INSYN2B: variants seen among roughly 807,000 people sequenced by gnomAD.
The protein encoded by INSYN2B is protein INSYN2B.
Under a neutral mutation model 41.2 loss-of-function variants are expected in INSYN2B, and 16 were observed. The ratio of observed to expected loss-of-function variants is 0.39; its 90% confidence interval spans 0.26 to 0.59. INSYN2B has a LOEUF of 0.59. Ranked by LOEUF, INSYN2B falls within the 20% of genes least tolerant of loss-of-function variation. INSYN2B has a pLI of 0.57. For missense variants in INSYN2B, 608 were observed against 646.4 expected (o/e 0.94, Z 0.64); for synonymous variants, 245 against 244.4 (o/e 1.00, Z -0.02).
Position 169,882,567 on chromosome 5 carries a change from T to C in INSYN2B, c.1332A>G (p.Arg444=), listed in dbSNP as rs1317986992. The change falls in exon 2 of 4, where the codon CGA becomes CGG. Residue 444 remains arginine, a synonymous_variant. Coordinates refer to ENST00000377365, the MANE Select transcript of INSYN2B (RefSeq NM_001129891.3). ...AATCTCCTTACCCTTCAGTGAGAGC[T>C]CGAGCTTTCTCCAAGTCTTGAATTA... ...LNVIQDLEKA[R]ALTEGRNFYR... The C allele has an allele frequency of 1.3e-6, 2 of 1,546,978 alleles. No homozygotes were observed. Among genetic ancestry groups the C allele is most frequent in the South Asian group, 2.4e-5 (2 of 83,986 alleles).
At chr5:169,915,292 A>G (rs1162464080) in intron 1 of INSYN2B, among the ~76,000 whole-genome samples, 1 of 152,208 alleles carries the variant, frequency 6.6e-6, no homozygotes, top group Non-Finnish European at 1.5e-5. Flanking sequence ...TTTTAAAGTT[A>G]GTTTTTGGTA....
chr5:169,972,989 G>A (rs1428643402), intron 1 of INSYN2B, among the ~76,000 whole-genome samples: 2 of 152,188 alleles, frequency 1.3e-5, no homozygotes, highest in Non-Finnish European at 2.9e-5. Context: ...ACAACTAGAG[G>A]AGGGAGGAAG....
At chr5:169,912,450 T>G (rs763522494) in intron 1 of INSYN2B, among the ~76,000 whole-genome samples, 1 of 152,194 alleles carries the variant, frequency 6.6e-6, no homozygotes, top group Non-Finnish European at 1.5e-5. Flanking sequence ...CACAAATTCA[T>G]CTTTTGGCAC....
At chr5:169,979,271 G>C (rs769250527) in intron 1 of INSYN2B, among the ~76,000 whole-genome samples, 14 of 152,118 alleles carry the variant, frequency 9.2e-5, no homozygotes, top group Non-Finnish European at 1.3e-4. Context: ...TAAGTTGCTA[G>C]GGCAAATGCA....
At chr5:169,920,368 C>T (rs17560633) in intron 1 of INSYN2B, among the ~76,000 whole-genome samples, 47,069 of 152,166 alleles carry the variant, frequency 0.31, 8,615 homozygotes, top group South Asian at 0.4. Context: ...TTCAGAAACA[C>T]CAAGGGGAAG....
chr5:169,879,462 T>A (rs917678529), intron 3 of INSYN2B, among the ~76,000 whole-genome samples: 3 of 152,214 alleles, frequency 2.0e-5, no homozygotes, highest in African/African-American at 7.2e-5. Context: ...TCCCTTGCAA[T>A]GGCTTAGATA....
intron 3 of INSYN2B, among the ~76,000 whole-genome samples, chr5:169,868,662 G>A (rs962512378): frequency 3.3e-5 from 5 of 152,186 alleles, no homozygotes; most frequent in African/African-American, 1.2e-4. Flanking sequence ...GGAGGCTGAG[G>A]TGAGAGGATC....
chr5:169,952,243 C>T (rs978304531), intron 1 of INSYN2B, among the ~76,000 whole-genome samples: 4 of 152,106 alleles, frequency 2.6e-5, no homozygotes, highest in African/African-American at 9.7e-5. Flanking sequence ...TGGGAAGAGA[C>T]CTGTTTTTTA....
chr5:169,974,191 C>T (rs969295932), intron 1 of INSYN2B, among the ~76,000 whole-genome samples: 1 of 152,162 alleles, frequency 6.6e-6, no homozygotes, highest in African/African-American at 2.4e-5. Context: ...GTTTTCTTAT[C>T]TATCAAGTAA....
chr5:169,909,317 TATAGAAC>T (rs1774462979), intron 1 of INSYN2B, among the ~76,000 whole-genome samples: 1 of 152,216 alleles, frequency 6.6e-6, no homozygotes, highest in South Asian at 2.1e-4. Context: ...TGTTCAACAG[TATAGAAC>T]ATTTCTTTCT....
intron 1 of INSYN2B, among the ~76,000 whole-genome samples, chr5:169,900,145 C>T (rs780258704): frequency 1.3e-5 from 2 of 152,192 alleles, no homozygotes; most frequent in African/African-American, 2.4e-5. Flanking sequence ...TCCAAGCTCT[C>T]AGATCTAAAG....
Position 169,936,513 on chromosome 5 carries a change from T to G in INSYN2B, c.-919+43764A>C, listed in dbSNP as rs1225915772. On this transcript the variant is annotated intron_variant, in intron 1 of 3. Coordinates refer to ENST00000377365, the MANE Select transcript of INSYN2B (RefSeq NM_001129891.3). ...AAGATAATCAAAATGAATAAACACATCTATTCTATCCTGTGTGTATTTCGA... is the reference window on the plus strand; with the variant it reads ...AAGATAATCAAAATGAATAAACACAGCTATTCTATCCTGTGTGTATTTCGA... 4.0e-5 allele frequency among the ~76,000 whole-genome samples: 6 copies of G among 151,374 alleles called. No individual in the cohort carries two copies. The East Asian group carries it at 1.2e-3, about 29-fold the overall frequency.
chr5:169,871,792 C>A (rs957220218), intron 3 of INSYN2B, among the ~76,000 whole-genome samples: 4 of 152,172 alleles, frequency 2.6e-5, no homozygotes, highest in Non-Finnish European at 5.9e-5. Context: ...GGCTGGGGTG[C>A]ATGGGGGACG....
In INSYN2B at chr5:169,948,297, A is replaced by T. The variant is rs1035231307; in HGVS notation, c.-919+31980T>A. ...AGTAGAGGGATTCAGAACGTTTTTT[A>T]AAAAAAGGTAAACAAATACACATAA... On this transcript the variant is annotated intron_variant, in intron 1 of 3. Coordinates refer to ENST00000377365, the MANE Select transcript of INSYN2B (RefSeq NM_001129891.3). 2.6e-4 allele frequency among the ~76,000 whole-genome samples: 19 copies of T among 73,936 alleles called. 1 individual carries two copies. The highest frequency in any genetic ancestry group is 9.4e-4 in the African/African-American group (12 of 12,816). The allele number at this position is 73,936 out of a possible 152,430, so 48.5% of individuals were successfully genotyped here.
At chr5:169,868,779 A>G (rs1202104112) in intron 3 of INSYN2B, among the ~76,000 whole-genome samples, 1 of 152,114 alleles carries the variant, frequency 6.6e-6, no homozygotes, top group Non-Finnish European at 1.5e-5. Context: ...AATGATATTA[A>G]TGCTCTGGAT....
intron 1 of INSYN2B, among the ~76,000 whole-genome samples, chr5:169,910,999 T>G (rs1222022427): frequency 1.3e-5 from 2 of 152,212 alleles, no homozygotes; most frequent in Non-Finnish European, 2.9e-5. Flanking sequence ...AACCCTCAGG[T>G]GCCTCCAAGG....
intron 1 of INSYN2B, among the ~76,000 whole-genome samples, chr5:169,898,263 C>T (rs1773723235): frequency 6.6e-6 from 1 of 152,180 alleles, no homozygotes; most frequent in African/African-American, 2.4e-5. Flanking sequence ...GGTCTCCTTT[C>T]TCATGGGGGC....
At chr5:169,958,230 A>T (rs79276404) in intron 1 of INSYN2B, among the ~76,000 whole-genome samples, 2 of 12,522 alleles carry the variant, frequency 1.6e-4, no homozygotes, top group Non-Finnish European at 2.8e-4. Context: ...TTGTTTTGCA[A>T]AAAAAAAAGG....
At chr5:169,910,316 C>T (rs1561816103) in intron 1 of INSYN2B, among the ~76,000 whole-genome samples, 1 of 152,172 alleles carries the variant, frequency 6.6e-6, no homozygotes, top group Non-Finnish European at 1.5e-5. Context: ...AGGAAGATCT[C>T]TTTTGAGCCC....
Sources: allele counts gnomAD v4.1 joint callset (sites outside exome capture counted in the v4.1 genomes callset), GRCh38; gene constraint gnomAD v4.1.1; transcripts MANE v1.5; gene names NCBI Gene and HGNC (gene_info 2026-07-23, HGNC 2026-07-21).